The following RNLS variants were observed in gnomAD, a reference collection of about 807,000 sequenced individuals.
The protein encoded by RNLS is renalase.
RNLS carries 39 observed loss-of-function variants against 39.8 expected under a neutral mutation model. The ratio of observed to expected loss-of-function variants is 0.98; its 90% CI spans 0.76 to 1.28. RNLS has a LOEUF of 1.28. Ranked by LOEUF, RNLS falls within the 50% of genes most tolerant of loss-of-function variation. RNLS has a pLI of 0.00. For missense variants in RNLS, 410 were observed against 413.3 expected, an observed-to-expected ratio of 0.99 and a Z score of 0.07; for synonymous variants, 147 against 150.7, an observed-to-expected ratio of 0.98 and a Z score of 0.18.
chr10:88,514,424 C>A (rs1589934170), intron 4 of RNLS, among the ~76,000 whole-genome samples: 1 of 152,072 alleles, frequency 6.6e-6, no homozygotes, highest in African/African-American at 2.4e-5. Flanking sequence ...TGGGGACACA[C>A]AGCCAAACAA....
intron 4 of RNLS, among the ~76,000 whole-genome samples, chr10:88,531,389 T>G (rs1847417034): frequency 6.6e-6 from 1 of 152,152 alleles, no homozygotes; most frequent in Non-Finnish European, 1.5e-5. Context: ...TCATTTATCT[T>G]GACTCCAAAT....
chr10:88,491,693 TTTG>T (rs1330324442), intron 4 of RNLS, among the ~76,000 whole-genome samples: 6 of 152,330 alleles, frequency 3.9e-5, no homozygotes, highest in South Asian at 2.1e-4. Context: ...TACTATATTA[TTTG>T]TTAAGATTTC....
At chr10:88,292,100 C>A (rs1035797) in intron 6 of RNLS, among the ~76,000 whole-genome samples, 92,328 of 151,664 alleles carry the variant, frequency 0.61, 28,294 homozygotes, top group Middle Eastern at 0.64. Context: ...AGTTAACATT[C>A]TTCCAGCTTC....
intron 5 of RNLS, among the ~76,000 whole-genome samples, chr10:88,318,362 G>A (rs994986048): frequency 6.6e-6 from 1 of 152,206 alleles, no homozygotes; most frequent in Non-Finnish European, 1.5e-5. Context: ...TCGGTGAAGG[G>A]GGTAGCACTG....
At chr10:88,350,059 G>C (rs792224) in intron 5 of RNLS, among the ~76,000 whole-genome samples, 125,216 of 152,068 alleles carry the variant, frequency 0.82, 51,717 homozygotes, top group African/African-American at 0.88. Context: ...AGCCCAAACG[G>C]GAAACCTGAC....
In RNLS at chr10:88,420,583, CCTT is replaced by C. The variant is rs1854345341; in HGVS notation, c.527-57861_527-57859del. Among the ~76,000 whole-genome samples, 3 of 152,276 alleles carry C rather than the reference CCTT, an allele frequency of 2.0e-5. No homozygotes were observed. The South Asian group carries it at 6.2e-4, about 32-fold the overall frequency. ...AGTCTCTGCCTCTTTTATCACATTG[CCTT>C]CTTCTCTGCGTATCTCTTAGGAGGA... On this transcript the variant is annotated intron_variant, in intron 4 of 6. Transcript: ENST00000331772.
rs547144796 is a variant in RNLS at position 88,573,085 on chromosome 10, C to T, written c.368-24G>A. The T allele has an allele frequency of 7.5e-6, 12 of 1,608,986 alleles. No individual in the cohort carries two copies. The African/African-American group carries it at 1.1e-4, about 14-fold the overall frequency. On this transcript the variant is annotated intron_variant, in intron 3 of 6. Coordinates refer to ENST00000331772, the MANE Select transcript of RNLS (RefSeq NM_001031709.3). ...ACCTGTTCCAAAAGCAAAATCATGT[C>T]CCCATTATCAGAATTGCATATATGA...
chr10:88,180,899 A>G, the RNLS span, among the ~76,000 whole-genome samples: 1 of 152,178 alleles, frequency 6.6e-6, no homozygotes. Flanking sequence ...GCATTTTCTT[A>G]TGCCAGTAAT....
At chr10:88,307,054 G>T (rs531037490) in intron 6 of RNLS, among the ~76,000 whole-genome samples, 23 of 152,280 alleles carry the variant, frequency 1.5e-4, no homozygotes, top group African/African-American at 5.3e-4. Context: ...CATGTGAACA[G>T]AACTAAATAC....
At position 88,525,728 on chromosome 10, in the gene RNLS, G is replaced by T. The variant is rs142802782; in HGVS notation, c.526+47175C>A. ...AAGGAGAATAATTCAGGTCAAGTAGGTGGTAAAGAATATTACTTTTTATTT... is the reference window on the plus strand; with the variant it reads ...AAGGAGAATAATTCAGGTCAAGTAGTTGGTAAAGAATATTACTTTTTATTT... On this transcript the variant is annotated intron_variant, in intron 4 of 6. Transcript: ENST00000331772. Among the ~76,000 whole-genome samples the T allele has an allele frequency of 1.4e-3, 214 of 152,232 alleles. 1 individual carries two copies. The highest frequency in any genetic ancestry group is 5.0e-3 in the African/African-American group (206 of 41,532).
At chr10:88,529,430 G>T (rs1261867201) in intron 4 of RNLS, among the ~76,000 whole-genome samples, 1 of 152,134 alleles carries the variant, frequency 6.6e-6, no homozygotes, top group African/African-American at 2.4e-5. Flanking sequence ...AACAAAAGTG[G>T]TTTGCTTTGC....
chr10:88,240,241 T>A, the RNLS span, among the ~76,000 whole-genome samples: 2 of 152,196 alleles, frequency 1.3e-5, no homozygotes, highest in African/African-American at 4.8e-5. Flanking sequence ...TCTCCTTATC[T>A]ATCCGTATAC....
chr10:88,571,541 A>C (rs1849837456), intron 4 of RNLS, among the ~76,000 whole-genome samples: 1 of 152,186 alleles, frequency 6.6e-6, no homozygotes, highest in Non-Finnish European at 1.5e-5. Context: ...TTCAATTCTG[A>C]GTTTCTATGA....
At position 88,563,539 on chromosome 10, in the gene RNLS, A is replaced by G. The variant is rs542569701; in HGVS notation, c.526+9364T>C. Among the ~76,000 whole-genome samples, 359 of 152,288 alleles carry G rather than the reference A, an allele frequency of 2.4e-3. 2 individuals carry two copies. The highest frequency in any genetic ancestry group is 8.0e-3 in the African/African-American group (332 of 41,582). On this transcript the variant is annotated intron_variant, in intron 4 of 6. Transcript: ENST00000331772. Reference sequence around the variant, plus strand: ...TATAGTTTTGAAAAATCCACTGAACAATTTCACATATCTTAAGTATAGCAT... The same window carrying G: ...TATAGTTTTGAAAAATCCACTGAACGATTTCACATATCTTAAGTATAGCAT...
At chr10:88,566,810 T>C (rs1009127626) in intron 4 of RNLS, among the ~76,000 whole-genome samples, 2 of 152,040 alleles carry the variant, frequency 1.3e-5, no homozygotes, top group African/African-American at 4.8e-5. Flanking sequence ...CCAATAAGTA[T>C]TAGAAGGAAA....
chr10:88,352,100 G>C (rs932820259), intron 5 of RNLS, among the ~76,000 whole-genome samples: 11 of 152,148 alleles, frequency 7.2e-5, no homozygotes, highest in Non-Finnish European at 1.5e-4. Context: ...AGATTTTGTG[G>C]TGAGATGATG....
chr10:88,401,333 A>G (rs1394625343), intron 4 of RNLS, among the ~76,000 whole-genome samples: 1 of 152,104 alleles, frequency 6.6e-6, no homozygotes, highest in Non-Finnish European at 1.5e-5. Flanking sequence ...TTTATAACAT[A>G]TATGTTGAAA....
intron 4 of RNLS, among the ~76,000 whole-genome samples, chr10:88,405,443 A>G (rs1335262745): frequency 6.6e-6 from 1 of 152,134 alleles, no homozygotes; most frequent in Non-Finnish European, 1.5e-5. Flanking sequence ...TTTTACCATT[A>G]TATAATGTCC....
intron 4 of RNLS, among the ~76,000 whole-genome samples, chr10:88,520,382 GA>G (rs1242811050): frequency 6.6e-6 from 1 of 151,978 alleles, no homozygotes; most frequent in Non-Finnish European, 1.5e-5. Context: ...TCTCTCCCCA[GA>G]AATGCTATCT....
Sources: gnomAD v4.1 joint callset for allele counts (sites outside exome capture counted in the v4.1 genomes callset) on GRCh38, gnomAD v4.1.1 for gene constraint, MANE v1.5 for transcripts, NCBI Gene and HGNC (gene_info 2026-07-23, HGNC 2026-07-21) for gene names.